The following KLK8 variants were observed in gnomAD, a reference collection of about 807,000 sequenced individuals.
The protein encoded by KLK8 is kallikrein related peptidase 8, also known as kallikrein-8.
In KLK8, 18 loss-of-function variants were observed where a neutral mutation model predicts 26.7. The ratio of observed to expected loss-of-function variants is 0.67; its 90% CI spans 0.47 to 1.00. The LOEUF (loss-of-function observed/expected upper bound fraction) is 1.00. KLK8 is among the 50% of genes least tolerant of loss of function. The pLI is 0.00. For missense variants in KLK8, 301 were observed against 331.7 expected (o/e 0.91, Z 0.72); for synonymous variants, 137 against 127.1 (o/e 1.08, Z -0.52).
Position 50,996,153 on chromosome 19 carries a change from G to T in KLK8, c.689C>A (p.Ser230Ter). ...TTTGTCGGACCTCCCACAGGGGTCT[G>T]AGCCCCAGGATGTGATGCCCTGGAG... Residue 230 changes from serine to a stop codon, truncating the protein, a stop_gained, in exon 7 of 7, where the codon TCA becomes TAA. Coordinates refer to ENST00000600767, the Ensembl canonical transcript of KLK8. LOFTEE classifies it high-confidence loss of function. The T allele has an allele frequency of 6.2e-7, 1 of 1,614,210 alleles. No individual in the cohort carries two copies. Among genetic ancestry groups the T allele is most frequent in the Non-Finnish European group, 8.5e-7 (1 of 1,180,024 alleles).
At chr19:51,000,979 G>C in intron 3 of KLK8, 119 bp downstream of exon 2, 1 of 991,138 alleles carries the variant, frequency 1.0e-6, no homozygotes, top group East Asian at 2.6e-5. Context: ...GCACCGTATC[G>C]CACTCTTCAC....
intron 3 of KLK8, 54 bp from the exon 3 acceptor site, chr19:51,000,637 T>C: frequency 6.3e-7 from 1 of 1,599,118 alleles, no homozygotes; most frequent in Non-Finnish European, 8.6e-7. Flanking sequence ...GTGCGAGGGC[T>C]GGGAAGGCCA....
At chr19:50,999,486 C>T (rs955669274) in intron 5 of KLK8, among the ~76,000 whole-genome samples, 8 of 145,846 alleles carry the variant, frequency 5.5e-5, no homozygotes, top group Admixed American at 5.1e-4. Context: ...GGCTGAGGTT[C>T]GAGAATCGCT....
At chr19:50,996,497 G>A (rs533235822) in intron 6 of KLK8, among the ~76,000 whole-genome samples, 249 of 152,120 alleles carry the variant, frequency 1.6e-3, no homozygotes, top group Admixed American at 2.8e-3. Flanking sequence ...ACTTTGGGAG[G>A]CCGAGGCGGT....
chr19:51,001,234 C>A, intron 2 of KLK8, 59 bp from the exon 2 acceptor site: 1 of 1,502,640 alleles, frequency 6.7e-7, no homozygotes, highest in South Asian at 1.2e-5. Flanking sequence ...GCTCCCAGTT[C>A]TGGATTTGGG....
chr19:50,997,663 C>A, intron 6 of KLK8, 88 bp downstream of exon 5: 2 of 1,403,312 alleles, frequency 1.4e-6, no homozygotes, highest in Admixed American at 2.2e-5. Flanking sequence ...TGGGGTCACT[C>A]CCTTACCACC....
intron 4 of KLK8, 80 bp downstream of exon 3, chr19:51,000,344 G>A (rs10409565): frequency 0.02 from 30,802 of 1,542,840 alleles, 641 homozygotes; most frequent in African/African-American, 0.093. Flanking sequence ...CCAGTCCTCA[G>A]CTCTCTCCTT....
intron 3 of KLK8, 161 bp from the exon 3 acceptor site, chr19:51,000,744 G>A (rs766250709): frequency 1.3e-6 from 2 of 1,518,586 alleles, no homozygotes; most frequent in African/African-American, 2.8e-5. Flanking sequence ...ACTCATTTCA[G>A]TCCATGTGTC....
chr19:50,999,153 G>C (rs1190156101), intron 5 of KLK8: 1 of 152,232 alleles, frequency 6.6e-6, no homozygotes, highest in Non-Finnish European at 1.5e-5. Context: ...CAAAGGGACA[G>C]CTTCATTGGA....
At chr19:50,998,024 A>G (rs1213987538) in intron 5 of KLK8, 140 bp from the exon 5 acceptor site, 1 of 975,838 alleles carries the variant, frequency 1.0e-6, no homozygotes, top group Non-Finnish European at 1.5e-6. Context: ...CACTGTGCAC[A>G]GGGGACATCA....
At chr19:51,000,698 G>A (rs1263664416) in intron 3 of KLK8, 115 bp from the exon 3 acceptor site, 2 of 1,550,040 alleles carry the variant, frequency 1.3e-6, no homozygotes, top group Non-Finnish European at 1.7e-6. Flanking sequence ...AACTTAGTGA[G>A]GAGGTCCAGG....
chr19:50,996,110 G>A (rs559737896), exon 7 of KLK8: 3 of 1,614,246 alleles, frequency 1.9e-6, no homozygotes, highest in East Asian at 2.2e-5. Context: ...AGCGGCAGAT[G>A]TTGGTATAGA....
chr19:50,999,853 A>G, intron 5 of KLK8, 143 bp downstream of exon 4: 2 of 862,496 alleles, frequency 2.3e-6, no homozygotes, highest in Non-Finnish European at 3.4e-6. Flanking sequence ...GGCTTCTCAT[A>G]TGACTCCTGC....
At chr19:50,999,240 G>A (rs1229937062) in intron 5 of KLK8, 2 of 152,070 alleles carry the variant, frequency 1.3e-5, no homozygotes, top group African/African-American at 4.8e-5. Flanking sequence ...CTAGACTCCC[G>A]GGTCTGAGGG....
intron 6 of KLK8, among the ~76,000 whole-genome samples, chr19:50,997,333 C>G (rs889634344): frequency 4.6e-5 from 7 of 152,030 alleles, no homozygotes; most frequent in East Asian, 1.9e-4. Flanking sequence ...GATTCTAGCC[C>G]GGTCTCAAAG....
intron 5 of KLK8, among the ~76,000 whole-genome samples, chr19:50,998,272 C>T (rs1372454295): frequency 6.6e-6 from 1 of 152,160 alleles, no homozygotes; most frequent in African/African-American, 2.4e-5. Flanking sequence ...GTGTCACCTC[C>T]TCCTGGAAGC....
intron 2 of KLK8, 143 bp downstream of exon 1, chr19:51,001,389 G>A (rs1472743459): frequency 1.8e-5 from 10 of 557,252 alleles, no homozygotes; most frequent in Non-Finnish European, 3.2e-5. Flanking sequence ...TGGGAGCTGG[G>A]ACTCCTAAAT....
chr19:51,001,069 C>A, intron 3 of KLK8, 29 bp downstream of exon 2: 2 of 1,593,288 alleles, frequency 1.3e-6, no homozygotes, highest in Non-Finnish European at 1.7e-6. Context: ...AGATCCCTCC[C>A]CTCCGGAGGC....
At chr19:50,997,677 A>T in intron 6 of KLK8, 74 bp downstream of exon 5, 1 of 1,514,396 alleles carries the variant, frequency 6.6e-7, no homozygotes, top group Non-Finnish European at 9.1e-7. Flanking sequence ...TACCACCCCC[A>T]CCCCCATCCA....
Sources: allele counts gnomAD v4.1 joint callset (sites outside exome capture counted in the v4.1 genomes callset), GRCh38; gene constraint gnomAD v4.1.1; transcripts MANE v1.5; gene names NCBI Gene and HGNC (gene_info 2026-07-23, HGNC 2026-07-21).